The following JPT2 variants were observed in gnomAD, a reference collection of about 807,000 sequenced individuals.
JPT2 encodes Jupiter microtubule associated homolog 2.
In JPT2, 9 loss-of-function variants were observed where a neutral mutation model predicts 15.9. The observed-to-expected ratio is 0.57, with a 90% CI of 0.34 to 0.99. The LOEUF is 0.99. Among genes scored for constraint, JPT2 ranks in the 50% least tolerant of loss-of-function variants. The pLI is 0.02. For synonymous variants in JPT2, 95 were observed against 91.7 expected (o/e 1.04, Z -0.21); for missense variants, 267 against 252.1 (o/e 1.06, Z -0.40).
At position 1,685,474 on chromosome 16, in the gene JPT2, T is replaced by C. The variant is rs913556945; in HGVS notation, c.80T>C (p.Leu27Pro). Residue 27 changes from leucine to proline, a missense_variant, in exon 2 of 5, where the codon CTT (leucine) becomes CCT (proline). By Grantham distance (98) the Leu-to-Pro change is moderately conservative. Transcript: ENST00000248098. ...CCCCCAGGAGGAGAATCGAGCAATC[T>C]TTTTGGAAGTCCAGAAGAAGCTACT... ...MKPPGGESSN[L>P]FGSPEEATPS... is the part of the protein sequence containing the mutation. 2 of 1,614,116 alleles carry C rather than the reference T, an allele frequency of 1.2e-6. No homozygotes were observed. Among genetic ancestry groups the C allele is most frequent in the Admixed American group, 3.3e-5 (2 of 60,018 alleles).
chr16:1,680,148 C>T (rs1013732774), intron 1 of JPT2, among the ~76,000 whole-genome samples: 4 of 152,206 alleles, frequency 2.6e-5, no homozygotes, highest in Admixed American at 2.0e-4. Flanking sequence ...GTGCTCAGAG[C>T]GAATCCGGTT....
chr16:1,698,934 G>T lies in JPT2; in HGVS notation c.509G>T (p.Arg170Leu), dbSNP rs774540022. The T allele has an allele frequency of 2.5e-6, 4 of 1,614,064 alleles. No homozygotes were observed. In the African/African-American group the frequency reaches 4.0e-5, roughly 16 times the overall value. ...VDSHEPRLGP[R>L]PRSHNKVLNP... Reference sequence around the variant, plus strand: ...AGCCATGAGCCCCGGCTGGGGCCGCGGCCTCGCTCTCACAACAAGGTCCTG... The same window carrying T: ...AGCCATGAGCCCCGGCTGGGGCCGCTGCCTCGCTCTCACAACAAGGTCCTG... The change falls in exon 5 of 5, where the codon CGG (arginine) becomes CTG (leucine). Residue 170 changes from arginine to leucine, a missense_variant. Transcript: ENST00000248098. This position sits in a 1 kb window ranked among gnomAD's most constrained non-coding sequence, Gnocchi z 4.9.
chr16:1,699,163 G>A lies in JPT2; in HGVS notation c.*165G>A, dbSNP rs762954620. 1 of 756,650 alleles carries A rather than the reference G, an allele frequency of 1.3e-6. No homozygotes were observed. The highest frequency in any genetic ancestry group is 2.3e-6 in the Non-Finnish European group (1 of 434,774). The allele number at this position is 756,650 out of a possible 1,614,324, so 46.9% of individuals were successfully genotyped here. A position where few individuals can be genotyped will look rare whatever the true frequency, so the allele number is the denominator to read the frequency against. On this transcript the variant is annotated 3_prime_UTR_variant, in exon 5 of 5. Coordinates refer to ENST00000248098, the MANE Select transcript of JPT2 (RefSeq NM_144570.3). ...CGTCATGACAGCTGCTTGGAGACCC[G>A]TGCCTTCCAGATGGCTGGGAGATGC...
At chr16:1,685,293 G>A (rs144189302) in intron 1 of JPT2, 146 bp from the exon 2 acceptor site, 27 of 810,794 alleles carry the variant, frequency 3.3e-5, no homozygotes, top group African/African-American at 5.2e-5. Flanking sequence ...ACGTCACTGC[G>A]CTCCAGCCTG....
intron 2 of JPT2, among the ~76,000 whole-genome samples, chr16:1,691,325 C>T (rs909286154): frequency 6.6e-6 from 1 of 152,182 alleles, no homozygotes; most frequent in Admixed American, 6.5e-5. Flanking sequence ...AATTTGCTGA[C>T]ATATCTAGTC....
In JPT2 at chr16:1,699,188, C is replaced by T. The variant is rs2037164638; in HGVS notation, c.*190C>T. 1.4e-6 allele frequency: 1 copy of T among 710,352 alleles called. No individual in the cohort carries two copies. Among genetic ancestry groups the T allele is most frequent in the East Asian group, 2.7e-5 (1 of 36,996 alleles). 44.0% of individuals were successfully genotyped at this position (710,352 alleles called of 1,614,324 possible). A position where few individuals can be genotyped will look rare whatever the true frequency, so the allele number is the denominator to read the frequency against. ...GTGCCTTCCAGATGGCTGGGAGATGCCTCTGTGGGGATGAAATGGGGCACC... is the reference window on the plus strand; with the variant it reads ...GTGCCTTCCAGATGGCTGGGAGATGTCTCTGTGGGGATGAAATGGGGCACC... On this transcript the variant is annotated 3_prime_UTR_variant, in exon 5 of 5. Coordinates refer to ENST00000248098, the MANE Select transcript of JPT2 (RefSeq NM_144570.3).
intron 2 of JPT2, among the ~76,000 whole-genome samples, chr16:1,687,247 A>C (rs1011341211): frequency 3.3e-5 from 5 of 152,136 alleles, no homozygotes; most frequent in African/African-American, 9.7e-5. Flanking sequence ...TCGGCCTCTC[A>C]AATTGCTGAG....
intron 3 of JPT2, among the ~76,000 whole-genome samples, chr16:1,697,032 C>T (rs967454691): frequency 1.3e-5 from 2 of 152,126 alleles, no homozygotes; most frequent in Non-Finnish European, 2.9e-5. Flanking sequence ...TTCACAGTAG[C>T]CCAAGGGCGG....
At chr16:1,687,959 C>CATAGCCATCGAATGTTT (rs1314764368) in intron 2 of JPT2, among the ~76,000 whole-genome samples, 5 of 152,190 alleles carry the variant, frequency 3.3e-5, no homozygotes, top group African/African-American at 1.2e-4. Flanking sequence ...CCGACCACAT[C>CATAGCCATCGAATGTTT]ATAGCCATCG....
In JPT2 at chr16:1,691,978, A is replaced by T. The variant is rs2037106714; in HGVS notation, c.329A>T (p.Lys110Ile). The T allele has an allele frequency of 6.2e-7, 1 of 1,614,008 alleles. No homozygotes were observed. Among genetic ancestry groups the T allele is most frequent in the Admixed American group, 1.7e-5 (1 of 60,000 alleles). Residue 110 changes from lysine (K) to isoleucine (I), a missense_variant, in exon 3 of 5, where the codon AAA (lysine) becomes ATA (isoleucine). Coordinates refer to ENST00000248098, the MANE Select transcript of JPT2 (RefSeq NM_144570.3). ...TATSRLAHPN[K>I]PKDHVFLCEG... ...ACTTCACGCTTGGCACACCCAAACA[A>T]ACCCAAGGTATGGACTGCATTCAGA...
intron 3 of JPT2, among the ~76,000 whole-genome samples, chr16:1,695,405 CAA>C (rs35052397): frequency 4.3e-4 from 52 of 121,266 alleles, no homozygotes; most frequent in Admixed American, 6.8e-4. Context: ...AACTCCGTCC[CAA>C]AAAAAAAAAA....
At chr16:1,693,778 G>A (rs150016340) in intron 3 of JPT2, among the ~76,000 whole-genome samples, 225 of 151,650 alleles carry the variant, frequency 1.5e-3, no homozygotes, top group Admixed American at 2.7e-3. Context: ...AGAATATCTC[G>A]TAATGCCAGA....
In JPT2 at chr16:1,699,339, C is replaced by A; in HGVS notation, c.*341C>A. ...CAGCTGATTGGATGTCTAGGAATGA[C>A]TGAAAGAAACCAAAACAGCCTGTCC... On this transcript the variant is annotated 3_prime_UTR_variant, in exon 5 of 5. Transcript: ENST00000248098. 1 of 505,514 alleles carries A rather than the reference C, an allele frequency of 2.0e-6. No individual in the cohort carries two copies. The allele number at this position is 505,514 out of a possible 1,614,324, so 31.3% of individuals were successfully genotyped here.
intron 1 of JPT2, among the ~76,000 whole-genome samples, chr16:1,679,014 G>A (rs944808037): frequency 3.3e-5 from 5 of 152,270 alleles, no homozygotes; most frequent in African/African-American, 1.2e-4. Context: ...GCTGTAGGAA[G>A]AAGTGGATTG....
chr16:1,690,849 T>A (rs969087795), intron 2 of JPT2, among the ~76,000 whole-genome samples: 1 of 152,240 alleles, frequency 6.6e-6, no homozygotes, highest in Non-Finnish European at 1.5e-5. Flanking sequence ...TTTATTTCCA[T>A]CCCAGACACT....
At position 1,690,732 on chromosome 16, in the gene JPT2, T is replaced by C. The variant is rs2037098745; in HGVS notation, c.194-1111T>C. Among the ~76,000 whole-genome samples the C allele has an allele frequency of 2.0e-5, 3 of 152,244 alleles. No homozygotes were observed. In the South Asian group the frequency reaches 6.2e-4, roughly 31 times the overall value. ...AAGCAAATAAGAACACTTCCCCTTTTACATGAAAACACTGCATGCTATATG... is the reference window on the plus strand; with the variant it reads ...AAGCAAATAAGAACACTTCCCCTTTCACATGAAAACACTGCATGCTATATG... On this transcript the variant is annotated intron_variant, in intron 2 of 4. Coordinates refer to ENST00000248098, the MANE Select transcript of JPT2 (RefSeq NM_144570.3).
intron 3 of JPT2, among the ~76,000 whole-genome samples, chr16:1,693,351 C>T (rs2037117714): frequency 6.6e-6 from 1 of 152,224 alleles, no homozygotes; most frequent in East Asian, 1.9e-4. Flanking sequence ...CCCGCTTCAG[C>T]CTCCCAAAGT....
chr16:1,684,523 C>G (rs1170480229), intron 1 of JPT2, among the ~76,000 whole-genome samples: 1 of 151,876 alleles, frequency 6.6e-6, no homozygotes. Flanking sequence ...GGTGGATCAC[C>G]CCAGGTCAGG....
chr16:1,678,290 A>C lies in JPT2; in HGVS notation c.-23A>C. 9 of 1,235,804 alleles carry C rather than the reference A, an allele frequency of 7.3e-6. No individual in the cohort carries two copies. The highest frequency in any genetic ancestry group is 9.1e-6 in the Non-Finnish European group (9 of 986,804). The allele number at this position is 1,235,804 out of a possible 1,614,324, so 76.6% of individuals were successfully genotyped here. ...GGGCGGGCGGGAACGGCGCGCGGCG[A>C]GCTGAGGGTGGCGGCGGTCGACATG... is the stretch of plus-strand genomic sequence containing the variant. On this transcript the variant is annotated 5_prime_UTR_variant, in exon 1 of 5. Transcript: ENST00000248098.
Sources: gnomAD v4.1 joint callset for allele counts (sites outside exome capture counted in the v4.1 genomes callset) on GRCh38, gnomAD v4.1.1 for gene constraint, Gnocchi (gnomAD v3.1) non-coding constraint, MANE v1.5 for transcripts, NCBI Gene and HGNC (gene_info 2026-07-23, HGNC 2026-07-21) for gene names.